The following HERC2 variants were observed in gnomAD, a reference collection of about 807,000 sequenced individuals.
HERC2 encodes the protein E3 ubiquitin-protein ligase HERC2.
Under a neutral mutation model 537.7 loss-of-function variants are expected in HERC2, and 102 were observed. That is an observed-to-expected ratio of 0.19 (90% confidence interval 0.16 to 0.22). HERC2 has a LOEUF of 0.22. Ranked by LOEUF, HERC2 falls within the 10% of genes least tolerant of loss-of-function variation. The pLI is 1.00. For missense variants in HERC2, 4,236 were observed against 6,198.2 expected (o/e 0.68, Z 10.63); for synonymous variants, 2,224 against 2,466.2 (o/e 0.90, Z 2.91).
At chr15:28,143,777 C>CA in intron 74 of HERC2, 96 bp downstream of exon 74, 1 of 1,502,764 alleles carries the variant, frequency 6.7e-7, no homozygotes, top group South Asian at 1.2e-5. Flanking sequence ...TGAAACTCCC[C>CA]AACTCCTCTC....
At position 28,268,237 on chromosome 15, in the gene HERC2, G is replaced by C. The variant is rs2075622668; in HGVS notation, c.1598+228C>G. On this transcript the variant is annotated intron_variant, in intron 12 of 92. Coordinates refer to ENST00000261609, the MANE Select transcript of HERC2 (RefSeq NM_004667.6). This position sits in a 1 kb window ranked among gnomAD's most constrained non-coding sequence, Gnocchi z 4.7. ...AGTAGATAGAAGGCTGGCCAAGGCT[G>C]CACGGGGTCAAGAAGAACAGAAAGG... is the stretch of plus-strand genomic sequence containing the variant. Among the ~76,000 whole-genome samples, 1 of 152,136 alleles carries C rather than the reference G, an allele frequency of 6.6e-6. No homozygotes were observed. The highest frequency in any genetic ancestry group is 1.5e-5 in the Non-Finnish European group (1 of 68,036).
rs567373505 is a variant in HERC2, at chr15:28,113,234, G to A, written c.14069C>T (p.Thr4690Ile). Residue 4690 changes from threonine to isoleucine, a missense_variant, in exon 92 of 93, where the codon ACC (threonine) becomes ATC (isoleucine). Coordinates refer to ENST00000261609, the MANE Select transcript of HERC2 (RefSeq NM_004667.6). This position sits in a 1 kb window ranked among gnomAD's most constrained non-coding sequence, Gnocchi z 7.0. ...TGCGGAAGGCTCGATGCCTTTATAGGTGGCCACCGACTTGAGAAGGTGCAG... is the reference window on the plus strand; with the variant it reads ...TGCGGAAGGCTCGATGCCTTTATAGATGGCCACCGACTTGAGAAGGTGCAG... The part of the protein sequence containing the change: ...IPLHLLKSVA[T>I]YKGIEPSASL... 1.2e-6 allele frequency: 2 copies of A among 1,614,126 alleles called. 1 individual carries two copies. The highest frequency in any genetic ancestry group is 4.5e-5 in the East Asian group (2 of 44,882).
chr15:28,275,001 G>A lies in HERC2; in HGVS notation c.547C>T (p.Arg183Trp), dbSNP rs370500858. The change falls in exon 6 of 93, where the codon CGG becomes TGG. Residue 183 changes from arginine to tryptophan, a missense_variant. Coordinates refer to ENST00000261609, the MANE Select transcript of HERC2 (RefSeq NM_004667.6). ...CCCTCCACACCTTTGCCCGCAGGCC[G>A]GGAACTGCAGACGACACACACGGAA... is the stretch of plus-strand genomic sequence containing the variant. Reference protein sequence around the residue: ...SLPPVDKKSSRPAGKGVEGLA... With the variant: ...SLPPVDKKSSWPAGKGVEGLA... The A allele has an allele frequency of 6.3e-5, 101 of 1,602,710 alleles. No homozygotes were observed. Among genetic ancestry groups the A allele is most frequent in the Non-Finnish European group, 7.6e-5 (90 of 1,177,414 alleles).
At chr15:28,115,141 G>A (rs1182084262) in intron 89 of HERC2, 6 of 514,132 alleles carry the variant, frequency 1.2e-5, no homozygotes, top group African/African-American at 3.8e-5. Context: ...AGAGCCTCCC[G>A]TGCAAGCCTG....
chr15:28,201,730 A>C (rs1388746786), intron 47 of HERC2, among the ~76,000 whole-genome samples, 176 bp from the exon 48 acceptor site: 1 of 152,236 alleles, frequency 6.6e-6, no homozygotes, highest in African/African-American at 2.4e-5. Context: ...AGGCAGAATG[A>C]ATCTCAAAAG....
chr15:28,119,969 TTGAATACCCACCC>T (rs1888698047), intron 86 of HERC2, among the ~76,000 whole-genome samples: 1 of 152,142 alleles, frequency 6.6e-6, no homozygotes, highest in South Asian at 2.1e-4. Context: ...TCCCCCAGGC[TTGAATACCCACCC>T]TGAGAGCCCC....
At chr15:28,125,456 T>C (rs964579260) in intron 83 of HERC2, among the ~76,000 whole-genome samples, 1 of 152,206 alleles carries the variant, frequency 6.6e-6, no homozygotes, top group African/African-American at 2.4e-5. Flanking sequence ...AGGCCTCTTC[T>C]AGTGAGAGAC....
At chr15:28,278,565 GAC>G (rs1254089350) in intron 5 of HERC2, among the ~76,000 whole-genome samples, 2 of 152,092 alleles carry the variant, frequency 1.3e-5, no homozygotes, top group African/African-American at 4.8e-5. Context: ...GAAACCCACA[GAC>G]ACAGAGAGCC....
intron 52 of HERC2, among the ~76,000 whole-genome samples, chr15:28,192,426 G>C (rs1896938918): frequency 6.6e-6 from 1 of 151,986 alleles, no homozygotes; most frequent in Non-Finnish European, 1.5e-5. Flanking sequence ...AATAAGCTGT[G>C]GGAAAAGTTC....
At chr15:28,120,658 A>C (rs1420342071) in intron 86 of HERC2, among the ~76,000 whole-genome samples, 3 of 152,250 alleles carry the variant, frequency 2.0e-5, no homozygotes, top group Admixed American at 6.5e-5. Flanking sequence ...TTGGCAAAGA[A>C]AACTACCAGT....
chr15:28,144,610 G>T, intron 72 of HERC2, 63 bp downstream of exon 72: 3 of 1,610,604 alleles, frequency 1.9e-6, no homozygotes, highest in Admixed American at 1.7e-5. Context: ...ACGTGTCCCT[G>T]TTGCTCCAGA....
At chr15:28,291,670 C>T (rs1160226673) in intron 4 of HERC2, among the ~76,000 whole-genome samples, 2 of 151,770 alleles carry the variant, frequency 1.3e-5, no homozygotes, top group African/African-American at 2.4e-5. Flanking sequence ...TTTTACTGGG[C>T]TGGATAAAGG....
chr15:28,295,308 T>TGGGGGGGGG (rs3079935), intron 3 of HERC2, among the ~76,000 whole-genome samples: 3 of 79,680 alleles, frequency 3.8e-5, no homozygotes, highest in Admixed American at 1.5e-4. Context: ...TACATGTGTG[T>TGGGGGGGGG]GGGGGGGGGG....
chr15:28,308,973 A>G (rs898673632), intron 2 of HERC2, among the ~76,000 whole-genome samples: 1 of 152,224 alleles, frequency 6.6e-6, no homozygotes, highest in African/African-American at 2.4e-5. Context: ...TATTTGCATC[A>G]ATATTCATCA....
intron 38 of HERC2, among the ~76,000 whole-genome samples, chr15:28,218,264 C>A (rs895479690): frequency 6.6e-6 from 1 of 152,136 alleles, no homozygotes; most frequent in African/African-American, 2.4e-5. Flanking sequence ...AGCCCTCAAG[C>A]AGCTTCCCCC....
intron 4 of HERC2, among the ~76,000 whole-genome samples, chr15:28,288,866 A>C (rs2076234874): frequency 6.7e-6 from 1 of 149,188 alleles, no homozygotes; most frequent in South Asian, 2.2e-4. Context: ...AAAAAAAAAG[A>C]CTTTTTTTTC....
At chr15:28,215,510 T>C in intron 39 of HERC2, 111 bp downstream of exon 39, 1 of 795,514 alleles carries the variant, frequency 1.3e-6, no homozygotes, top group East Asian at 2.7e-5. Context: ...CTGTCACTTC[T>C]AGACCCTTTC....
chr15:28,289,915 A>C (rs1159730039), intron 4 of HERC2, among the ~76,000 whole-genome samples: 3 of 152,124 alleles, frequency 2.0e-5, no homozygotes, highest in Non-Finnish European at 4.4e-5. Flanking sequence ...AGGACTACAC[A>C]CCTCAGTGAG....
chr15:28,142,403 C>G lies in HERC2; in HGVS notation c.11545-10G>C, dbSNP rs962895311. 1.9e-6 allele frequency: 3 copies of G among 1,608,964 alleles called. No homozygotes were observed. The highest frequency in any genetic ancestry group is 2.5e-6 in the Non-Finnish European group (3 of 1,177,700). ...CAAGAGCTACCAGTACCTGCAGGCA[C>G]CAAAAATGACAAACTCAGGGAAACT... On this transcript the variant is annotated splice_polypyrimidine_tract_variant and intron_variant, in intron 75 of 92. Coordinates refer to ENST00000261609, the MANE Select transcript of HERC2 (RefSeq NM_004667.6).
Sources: allele counts gnomAD v4.1 joint callset (sites outside exome capture counted in the v4.1 genomes callset), GRCh38; gene constraint gnomAD v4.1.1; non-coding constraint Gnocchi (gnomAD v3.1); transcripts MANE v1.5; gene names NCBI Gene and HGNC (gene_info 2026-07-23, HGNC 2026-07-21).